The following ZDHHC21 variants were observed in gnomAD, a reference collection of about 807,000 sequenced individuals.
ZDHHC21 encodes zDHHC palmitoyltransferase 21.
In ZDHHC21, 15 loss-of-function variants were observed where a neutral mutation model predicts 34.6. The ratio of observed to expected loss-of-function variants is 0.43; its 90% CI spans 0.29 to 0.67. ZDHHC21 has a LOEUF of 0.67. ZDHHC21 is among the 30% of genes least tolerant of loss of function. The pLI, the probability that ZDHHC21 is intolerant of heterozygous loss-of-function variation, is 0.14. For synonymous variants in ZDHHC21, 142 were observed against 101.8 expected, an observed-to-expected ratio of 1.40 and a Z score of -2.38; for missense variants, 344 against 327.7, an observed-to-expected ratio of 1.05 and a Z score of -0.38.
chr9:14,674,782 A>C (rs539554924), intron 3 of ZDHHC21, among the ~76,000 whole-genome samples: 9 of 152,078 alleles, frequency 5.9e-5, no homozygotes, highest in African/African-American at 1.9e-4. Flanking sequence ...TAGTAGCTTT[A>C]ATCAGAAGAC....
At position 14,619,074 on chromosome 9, in the gene ZDHHC21, C is replaced by T; in HGVS notation, c.690G>A (p.Gln230=). 1 of 1,611,006 alleles carries T rather than the reference C, an allele frequency of 6.2e-7. No individual in the cohort carries two copies. Among genetic ancestry groups the T allele is most frequent in the Non-Finnish European group, 8.5e-7 (1 of 1,178,572 alleles). ...EDISRPRKPW[Q]QTFSEVFGTR... is the part of the protein sequence containing the mutation. ...TGCCAAAAACTTCTGAGAAGGTCTGCTGCCATGGCTTTCGGGGCCTCGATC... is the reference window on the plus strand; with the variant it reads ...TGCCAAAAACTTCTGAGAAGGTCTGTTGCCATGGCTTTCGGGGCCTCGATC... The change falls in exon 10 of 10, where the codon CAG becomes CAA. Residue 230 remains glutamine, a synonymous_variant. Transcript: ENST00000380916.
intron 4 of ZDHHC21, 144 bp downstream of exon 4, chr9:14,674,043 T>C (rs1044806966): frequency 8.6e-6 from 4 of 464,060 alleles, no homozygotes; most frequent in Non-Finnish European, 1.4e-5. Flanking sequence ...CATAAGTTCA[T>C]AAATTAGTAA....
At chr9:14,589,633 A>C in the ZDHHC21 span, 1 of 152,212 alleles carries the variant, frequency 6.6e-6, no homozygotes, top group African/African-American at 2.4e-5. Flanking sequence ...AACAAAAAAA[A>C]ATTACTGCGA....
At chr9:14,603,795 T>C in the ZDHHC21 span, among the ~76,000 whole-genome samples, 2 of 152,184 alleles carry the variant, frequency 1.3e-5, no homozygotes, top group Non-Finnish European at 2.9e-5. Flanking sequence ...ATCAAGTGGA[T>C]CCTGAACTTT....
At chr9:14,660,102 A>ATTG (rs973955286) in intron 6 of ZDHHC21, among the ~76,000 whole-genome samples, 8 of 152,060 alleles carry the variant, frequency 5.3e-5, no homozygotes, top group Non-Finnish European at 5.9e-5. Context: ...GCGGTGACTC[A>ATTG]AGCCTGTAAT....
At chr9:14,684,608 A>T (rs1375889120) in intron 2 of ZDHHC21, among the ~76,000 whole-genome samples, 1 of 151,768 alleles carries the variant, frequency 6.6e-6, no homozygotes, top group East Asian at 1.9e-4. Context: ...AATCAATATC[A>T]TGAAAATGGC....
Position 14,662,200 on chromosome 9 carries a change from G to A in ZDHHC21, c.365+15C>T. On this transcript the variant is annotated intron_variant, in intron 6 of 9. Transcript: ENST00000380916. ...CCCACCCCTCTTTTCTTTGCTAGAA[G>A]TGAATTATTCTTACCATGGACAGTG... 2 of 1,556,256 alleles carry A rather than the reference G, an allele frequency of 1.3e-6. No individual in the cohort carries two copies. The highest frequency in any genetic ancestry group is 1.2e-5 in the South Asian group (1 of 83,414).
At chr9:14,650,795 T>A (rs1304824377) in intron 7 of ZDHHC21, among the ~76,000 whole-genome samples, 1 of 152,004 alleles carries the variant, frequency 6.6e-6, no homozygotes, top group African/African-American at 2.4e-5. Context: ...AAGAGTTGGC[T>A]AGGCTGCTAA....
chr9:14,683,844 T>A (rs1301470599), intron 2 of ZDHHC21: 1 of 152,088 alleles, frequency 6.6e-6, no homozygotes, highest in East Asian at 1.9e-4. Flanking sequence ...ATCAAAAAGC[T>A]TACCCACCAT....
At chr9:14,646,575 C>A (rs915782715) in intron 7 of ZDHHC21, among the ~76,000 whole-genome samples, 1 of 152,012 alleles carries the variant, frequency 6.6e-6, no homozygotes, top group Non-Finnish European at 1.5e-5. Context: ...CTACCACTTT[C>A]TTCCTGGCTC....
chr9:14,643,904 T>C (rs1033305824), intron 7 of ZDHHC21, among the ~76,000 whole-genome samples: 2 of 152,242 alleles, frequency 1.3e-5, no homozygotes, highest in African/African-American at 4.8e-5. Flanking sequence ...TATTACGGCT[T>C]TGTAATAAGT....
At chr9:14,639,550 G>A (rs994844176) in intron 8 of ZDHHC21, among the ~76,000 whole-genome samples, 2 of 151,964 alleles carry the variant, frequency 1.3e-5, no homozygotes, top group Admixed American at 6.6e-5. Context: ...AGGTGATGGA[G>A]ACCCCAAATA....
At chr9:14,670,702 T>C (rs549156009) in intron 5 of ZDHHC21, among the ~76,000 whole-genome samples, 2 of 152,252 alleles carry the variant, frequency 1.3e-5, no homozygotes, top group South Asian at 2.1e-4. Flanking sequence ...GTATCTAAAA[T>C]GAGAAATACC....
intron 8 of ZDHHC21, among the ~76,000 whole-genome samples, chr9:14,631,304 G>A (rs1221797677): frequency 6.6e-6 from 1 of 152,150 alleles, no homozygotes; most frequent in African/African-American, 2.4e-5. Context: ...ACAAACTTAT[G>A]CTAGCTTCCA....
intron 7 of ZDHHC21, among the ~76,000 whole-genome samples, chr9:14,650,014 T>C (rs192584013): frequency 2.0e-5 from 3 of 152,170 alleles, no homozygotes; most frequent in Admixed American, 1.3e-4. Context: ...TAAAAACTGC[T>C]AAATTTTCTA....
intron 5 of ZDHHC21, among the ~76,000 whole-genome samples, chr9:14,671,397 G>A (rs1281259833): frequency 6.6e-6 from 1 of 152,000 alleles, no homozygotes; most frequent in Non-Finnish European, 1.5e-5. Flanking sequence ...TACAAAGTTT[G>A]GGTCCTAACA....
At chr9:14,644,394 G>T (rs1024474099) in intron 7 of ZDHHC21, among the ~76,000 whole-genome samples, 2 of 152,022 alleles carry the variant, frequency 1.3e-5, no homozygotes, top group African/African-American at 4.8e-5. Context: ...ATTTCTAGTA[G>T]TATATTTAAG....
chr9:14,661,912 T>C (rs1265510580), intron 6 of ZDHHC21, among the ~76,000 whole-genome samples: 2 of 152,204 alleles, frequency 1.3e-5, no homozygotes, highest in African/African-American at 4.8e-5. Context: ...TGTCAGATAT[T>C]GTAGTAAATG....
At chr9:14,690,483 T>G in intron 1 of ZDHHC21, 98 bp from the exon 2 acceptor site, 1 of 396,854 alleles carries the variant, frequency 2.5e-6, no homozygotes, top group South Asian at 1.9e-5. Flanking sequence ...CAGTGAATGG[T>G]AAAATATCAA....
Sources: allele counts gnomAD v4.1 joint callset (sites outside exome capture counted in the v4.1 genomes callset), GRCh38; gene constraint gnomAD v4.1.1; transcripts MANE v1.5; gene names NCBI Gene and HGNC (gene_info 2026-07-23, HGNC 2026-07-21).